Variants in SFT2D1 observed in about 807,000 individuals in gnomAD.
SFT2D1 encodes the protein vesicle transport protein SFT2A.
Under a neutral mutation model 28.1 loss-of-function variants are expected in SFT2D1, and 24 were observed. The observed-to-expected ratio is 0.85, with a 90% CI of 0.62 to 1.20. The LOEUF (loss-of-function observed/expected upper bound fraction) is 1.20. Ranked by LOEUF, SFT2D1 falls within the 50% of genes most tolerant of loss-of-function variation. SFT2D1 has a pLI of 0.00. For missense variants in SFT2D1, 181 were observed against 190.9 expected (o/e 0.95, Z 0.31); for synonymous variants, 82 against 73.7 (o/e 1.11, Z -0.58).
rs1778584824 is a variant in SFT2D1, at chr6:166,333,301, G to A, written c.64-3054C>T. Among the ~76,000 whole-genome samples, 4 of 152,136 alleles carry A rather than the reference G, an allele frequency of 2.6e-5. No homozygotes were observed. The South Asian group carries it at 6.2e-4, about 24-fold the overall frequency. On this transcript the variant is annotated intron_variant, in intron 1 of 7. Coordinates refer to ENST00000361731, the MANE Select transcript of SFT2D1 (RefSeq NM_145169.3). ...TCCAGATCCTTGCAGCATGCGGCACGGGTTCCACGTGTGCGTGGGCAGCCT... is the reference window on the plus strand; with the variant it reads ...TCCAGATCCTTGCAGCATGCGGCACAGGTTCCACGTGTGCGTGGGCAGCCT...
chr6:166,342,514 C>A lies in SFT2D1; in HGVS notation c.-33G>T. The A allele has an allele frequency of 6.6e-7, 1 of 1,525,620 alleles. No individual in the cohort carries two copies. The highest frequency in any genetic ancestry group is 2.5e-5 in the East Asian group (1 of 40,712). The allele number at this position is 1,525,620 out of a possible 1,614,324, so 94.5% of individuals were successfully genotyped here. On this transcript the variant is annotated 5_prime_UTR_variant, in exon 1 of 8. Coordinates refer to ENST00000361731, the MANE Select transcript of SFT2D1 (RefSeq NM_145169.3). Reference sequence around the variant, plus strand: ...TTACAGGGCCGTAGCGGCCGCCACTCTGTTGCCTGCCCCTGACGCCCACCA... The same window carrying A: ...TTACAGGGCCGTAGCGGCCGCCACTATGTTGCCTGCCCCTGACGCCCACCA...
chr6:166,329,369 T>C (rs567821178), intron 3 of SFT2D1, 138 bp downstream of exon 3: 9 of 664,674 alleles, frequency 1.4e-5, no homozygotes, highest in Non-Finnish European at 2.3e-5. Flanking sequence ...CAATACATAT[T>C]TATTTAATGA....
At position 166,320,262 on chromosome 6, in the gene SFT2D1, G is replaced by A. The variant is rs1583031629; in HGVS notation, c.441-6C>T. ...AGCATTTAATAACTGCATCCCTGGT[G>A]GAAAAGAGAGGGAAAAAAACAGAAT... is the stretch of plus-strand genomic sequence containing the variant. On this transcript the variant is annotated splice_region_variant and splice_polypyrimidine_tract_variant and intron_variant, in intron 7 of 7. Coordinates refer to ENST00000361731, the MANE Select transcript of SFT2D1 (RefSeq NM_145169.3). The A allele has an allele frequency of 6.2e-7, 1 of 1,608,320 alleles. No individual in the cohort carries two copies. The highest frequency in any genetic ancestry group is 1.1e-5 in the South Asian group (1 of 89,738).
chr6:166,330,853 G>C (rs1218765465), intron 1 of SFT2D1, among the ~76,000 whole-genome samples: 1 of 152,196 alleles, frequency 6.6e-6, no homozygotes, highest in Non-Finnish European at 1.5e-5. Flanking sequence ...GGTAGAGGAC[G>C]CTGGCCACCT....
chr6:166,325,590 G>A (rs1047229852), intron 5 of SFT2D1, among the ~76,000 whole-genome samples: 1 of 152,142 alleles, frequency 6.6e-6, no homozygotes, highest in Non-Finnish European at 1.5e-5. Context: ...CTTGCTACTC[G>A]GCAGCACACT....
rs536772330 is a variant in SFT2D1 at position 166,332,291 on chromosome 6, CAG to C, written c.64-2046_64-2045del. Among the ~76,000 whole-genome samples the C allele has an allele frequency of 2.3e-3, 357 of 152,286 alleles. 2 individuals are homozygous for C. The highest frequency in any genetic ancestry group is 3.4e-3 in the Non-Finnish European group (232 of 68,010). On this transcript the variant is annotated intron_variant, in intron 1 of 7. Coordinates refer to ENST00000361731, the MANE Select transcript of SFT2D1 (RefSeq NM_145169.3). ...GCTTATCACAAGCATTTTTTTGAGA[CAG>C]AGTCTCACTCTGTTGCTCAGGCGCC...
intron 1 of SFT2D1, among the ~76,000 whole-genome samples, chr6:166,334,170 A>C (rs1778602459): frequency 1.3e-5 from 2 of 152,224 alleles, no homozygotes; most frequent in Admixed American, 1.3e-4. Context: ...ACACTCATAC[A>C]TCCATTCATC....
intron 1 of SFT2D1, chr6:166,334,707 C>T: frequency 3.4e-6 from 1 of 295,328 alleles, no homozygotes; most frequent in Non-Finnish European, 6.7e-6. Context: ...ATGGGGAACG[C>T]TCGTGGACTG....
intron 3 of SFT2D1, among the ~76,000 whole-genome samples, chr6:166,329,073 T>TTCCCACCTCAGCCATGGTGGGA (rs1778503152): frequency 6.6e-6 from 1 of 152,160 alleles, no homozygotes; most frequent in Non-Finnish European, 1.5e-5. Flanking sequence ...GGGCTCCGGA[T>TTCCCACCTCAGCCATGGTGGGA]TCCCACCTCA....
At chr6:166,327,895 G>C (rs568128524) in intron 4 of SFT2D1, among the ~76,000 whole-genome samples, 131 of 152,164 alleles carry the variant, frequency 8.6e-4, no homozygotes, top group African/African-American at 3.0e-3. Flanking sequence ...CCACCTCCCA[G>C]GTTCAAGTGA....
rs758491325 is a variant in SFT2D1, at chr6:166,324,562, T to G, written c.385A>C (p.Ile129Leu). 2.5e-5 allele frequency: 40 copies of G among 1,613,028 alleles called. No individual in the cohort carries two copies. The East Asian group carries it at 8.7e-4, about 35-fold the overall frequency. The change falls in exon 6 of 8, where the codon ATA (isoleucine) becomes CTA (leucine). Residue 129 changes from isoleucine to leucine, a missense_variant. By Grantham distance (5) the Ile-to-Leu change is conservative. Coordinates refer to ENST00000361731, the MANE Select transcript of SFT2D1 (RefSeq NM_145169.3). The stretch of plus-strand genomic sequence containing the variant: ...CAGGTCATTGACAAGAACTGCAATA[T>G]GCAGAATAACACAGCCAGTCCCTTC... ...HKKGLAVLFC[I>L]LQFLSMTWYS...
intron 7 of SFT2D1, among the ~76,000 whole-genome samples, chr6:166,320,488 C>T (rs1778330947): frequency 1.3e-5 from 2 of 152,112 alleles, no homozygotes; most frequent in South Asian, 4.1e-4. Context: ...CTGGCATATA[C>T]ACTGATCTCA....
At chr6:166,325,836 T>C (rs1415366461) in intron 5 of SFT2D1, 38 of 455,166 alleles carry the variant, frequency 8.3e-5, no homozygotes, top group East Asian at 6.4e-4. Flanking sequence ...CATGTGTGTT[T>C]ACTGACTACC....
intron 1 of SFT2D1, among the ~76,000 whole-genome samples, chr6:166,333,124 TAA>T (rs1778581271): frequency 6.6e-6 from 1 of 152,302 alleles, no homozygotes; most frequent in Admixed American, 6.5e-5. Context: ...GCAGTGGGTA[TAA>T]AAAGTCAAAG....
intron 1 of SFT2D1, among the ~76,000 whole-genome samples, chr6:166,337,758 C>A (rs985634978): frequency 2.8e-4 from 43 of 152,254 alleles, no homozygotes; most frequent in African/African-American, 9.2e-4. Flanking sequence ...TAAATTAATG[C>A]CATTTGTAAA....
intron 6 of SFT2D1, chr6:166,323,501 T>C (rs1217200561): frequency 6.6e-6 from 1 of 152,230 alleles, no homozygotes; most frequent in Non-Finnish European, 1.5e-5. Flanking sequence ...CAAGAGCTGC[T>C]CTAAAGGAAA....
At chr6:166,334,850 G>A in intron 1 of SFT2D1, 1 of 426,394 alleles carries the variant, frequency 2.3e-6, no homozygotes, top group Non-Finnish European at 4.5e-6. Context: ...CCAAAGGGCT[G>A]TCTCGAGAAG....
chr6:166,335,580 T>C (rs1778632461), intron 1 of SFT2D1: 1 of 382,496 alleles, frequency 2.6e-6, no homozygotes, highest in African/African-American at 2.1e-5. Flanking sequence ...GGTTGCACTT[T>C]TTGAATTTGA....
intron 3 of SFT2D1, 97 bp downstream of exon 3, chr6:166,329,410 G>T: frequency 2.0e-6 from 2 of 977,666 alleles, no homozygotes; most frequent in Non-Finnish European, 3.2e-6. Context: ...TTCACAGTAT[G>T]TACAGAACTA....
Sources: gnomAD v4.1 joint callset for allele counts (sites outside exome capture counted in the v4.1 genomes callset) on GRCh38, gnomAD v4.1.1 for gene constraint, MANE v1.5 for transcripts, NCBI Gene and HGNC (gene_info 2026-07-23, HGNC 2026-07-21) for gene names.